Variants in USP10 observed in about 807,000 individuals in gnomAD.
USP10 encodes ubiquitin specific peptidase 10.
Under a neutral mutation model 84.5 loss-of-function variants are expected in USP10, and 22 were observed. That is an observed-to-expected ratio of 0.26 (90% CI 0.19 to 0.37). The LOEUF (loss-of-function observed/expected upper bound fraction) is 0.37. Ranked by LOEUF, USP10 falls within the 10% of genes least tolerant of loss-of-function variation. USP10 has a pLI of 1.00. For synonymous variants in USP10, 454 were observed against 387.6 expected (o/e 1.17, Z -2.01); for missense variants, 1,019 against 998.9 (o/e 1.02, Z -0.27).
chr16:84,706,561 G>A (rs552334938), intron 1 of USP10, among the ~76,000 whole-genome samples: 1 of 148,718 alleles, frequency 6.7e-6, no homozygotes, highest in Non-Finnish European at 1.5e-5. Context: ...TATTTTTTGA[G>A]ACGAAGTCTT....
rs200720877 is a variant in USP10, at chr16:84,765,254, CTT to C, written c.1832+992_1832+993del. Among the ~76,000 whole-genome samples, 209 of 67,000 alleles carry C rather than the reference CTT, an allele frequency of 3.1e-3. 1 individual carries two copies. Among genetic ancestry groups the C allele is most frequent in the African/African-American group, 0.017 (195 of 11,144 alleles). The allele number at this position is 67,000 out of a possible 152,430, so 44.0% of individuals were successfully genotyped here. ...AAACATATTCCCCATCACAGTTACC[CTT>C]GTGTGTGTGTGTGTGCACATGGCAA... On this transcript the variant is annotated intron_variant, in intron 10 of 13. Transcript: ENST00000219473.
intron 3 of USP10, among the ~76,000 whole-genome samples, chr16:84,741,328 T>C (rs1910594663): frequency 6.6e-6 from 1 of 152,128 alleles, no homozygotes; most frequent in African/African-American, 2.4e-5. Context: ...GAATGAAGCT[T>C]GAGGGACCGG....
intron 13 of USP10, 72 bp downstream of exon 13, chr16:84,775,297 T>A: frequency 6.8e-7 from 1 of 1,475,872 alleles, no homozygotes; most frequent in South Asian, 1.1e-5. Context: ...GGCACAGGTT[T>A]GCTGCAACTT....
intron 1 of USP10, among the ~76,000 whole-genome samples, chr16:84,727,660 G>A (rs1040914997): frequency 5.3e-5 from 8 of 152,084 alleles, no homozygotes; most frequent in Admixed American, 1.3e-4. Flanking sequence ...ACACTCATAC[G>A]GATACACATA....
intron 4 of USP10, among the ~76,000 whole-genome samples, chr16:84,747,877 C>T (rs1293714770): frequency 1.3e-5 from 2 of 151,962 alleles, no homozygotes; most frequent in Non-Finnish European, 2.9e-5. Context: ...CAGGCGATTT[C>T]TTGAATACAG....
Position 84,763,478 on chromosome 16 carries a change from T to G in USP10, c.1654+390T>G, listed in dbSNP as rs112084421. On this transcript the variant is annotated intron_variant, in intron 9 of 13. Coordinates refer to ENST00000219473, the MANE Select transcript of USP10 (RefSeq NM_005153.3). ...ATACGCATACATTTTCCCTGAATGA[T>G]TCAAAGTTAAGTTGCAGCTAACAGT... Among the ~76,000 whole-genome samples the G allele has an allele frequency of 1.4e-3, 208 of 152,356 alleles. 1 individual carries two copies. The highest frequency in any genetic ancestry group is 4.7e-3 in the African/African-American group (196 of 41,590).
intron 1 of USP10, among the ~76,000 whole-genome samples, chr16:84,721,622 G>GGAA (rs1350211890): frequency 1.3e-5 from 2 of 152,174 alleles, no homozygotes; most frequent in African/African-American, 4.8e-5. Context: ...TGACCTCCTG[G>GGAA]GTTCAAGCCA....
chr16:84,700,490 C>G (rs1325718504), intron 1 of USP10, among the ~76,000 whole-genome samples: 2 of 152,086 alleles, frequency 1.3e-5, no homozygotes, highest in Non-Finnish European at 2.9e-5. Flanking sequence ...CGGGAGTCCC[C>G]TGGAGCGCAG....
chr16:84,739,634 T>C (rs1483678532), intron 2 of USP10, among the ~76,000 whole-genome samples: 1 of 152,190 alleles, frequency 6.6e-6, no homozygotes, highest in Non-Finnish European at 1.5e-5. Flanking sequence ...CTTAAATAAA[T>C]GTTATGGAAT....
intron 7 of USP10, 35 bp from the exon 8 acceptor site, chr16:84,760,137 T>C (rs1389317695): frequency 1.9e-6 from 3 of 1,575,790 alleles, no homozygotes; most frequent in Non-Finnish European, 2.6e-6. Flanking sequence ...GAGTTCATTG[T>C]AGTTAGGAAA....
intron 4 of USP10, among the ~76,000 whole-genome samples, chr16:84,748,456 A>C (rs112799054): frequency 9.7e-4 from 147 of 152,076 alleles, no homozygotes; most frequent in Middle Eastern, 3.4e-3. Context: ...GGTGCCTGGC[A>C]CCACGCCAGG....
chr16:84,763,244 T>G (rs1380343398), intron 9 of USP10, among the ~76,000 whole-genome samples, 156 bp downstream of exon 9: 1 of 152,224 alleles, frequency 6.6e-6, no homozygotes, highest in Non-Finnish European at 1.5e-5. Context: ...GAAGGTTATA[T>G]TTAGGTAAAT....
intron 4 of USP10, among the ~76,000 whole-genome samples, chr16:84,755,795 CAAA>C (rs34780846): frequency 0.01 from 1,386 of 138,596 alleles, 12 homozygotes; most frequent in African/African-American, 0.024. Flanking sequence ...GAGACTGTCT[CAAA>C]AAAAAAAAAA....
At chr16:84,733,223 G>A (rs2150800322) in intron 1 of USP10, 1 of 600,262 alleles carries the variant, frequency 1.7e-6, no homozygotes, top group Non-Finnish European at 3.0e-6. Flanking sequence ...GTTTCATAGT[G>A]TTCTTTGACA....
At chr16:84,755,790 T>G (rs1912462747) in intron 4 of USP10, among the ~76,000 whole-genome samples, 1 of 74,540 alleles carries the variant, frequency 1.3e-5, no homozygotes, top group Admixed American at 1.4e-4. Context: ...AGAGTGAGAC[T>G]GTCTCAAAAA....
chr16:84,706,299 C>A (rs998845791), intron 1 of USP10, among the ~76,000 whole-genome samples: 1 of 151,924 alleles, frequency 6.6e-6, no homozygotes, highest in African/African-American at 2.4e-5. Context: ...TTTCGAGATT[C>A]CTGCCCAATA....
At chr16:84,710,582 A>G (rs890813828) in intron 1 of USP10, among the ~76,000 whole-genome samples, 3 of 152,200 alleles carry the variant, frequency 2.0e-5, no homozygotes, top group African/African-American at 7.2e-5. Flanking sequence ...GGCACCTTTA[A>G]AAACAAGCAT....
chr16:84,772,505 C>T, intron 11 of USP10, 36 bp from the exon 12 acceptor site: 1 of 1,611,106 alleles, frequency 6.2e-7, no homozygotes, highest in Non-Finnish European at 8.5e-7. Context: ...GCAAGTAAGA[C>T]AGGGACGGTG....
chr16:84,719,854 G>A (rs115166719), intron 1 of USP10, among the ~76,000 whole-genome samples: 9 of 152,210 alleles, frequency 5.9e-5, no homozygotes, highest in Admixed American at 5.9e-4. Context: ...GGCATGTTTC[G>A]ACAGATCATT....
Sources: gnomAD v4.1 joint callset for allele counts (sites outside exome capture counted in the v4.1 genomes callset) on GRCh38, gnomAD v4.1.1 for gene constraint, MANE v1.5 for transcripts, NCBI Gene and HGNC (gene_info 2026-07-23, HGNC 2026-07-21) for gene names.